The following LGR5 variants were observed in gnomAD, a reference collection of about 807,000 sequenced individuals.
LGR5 encodes leucine rich repeat containing G protein-coupled receptor 5, also known as leucine-rich repeat-containing G protein-coupled receptor 5.
Under a neutral mutation model 76.7 loss-of-function variants are expected in LGR5, and 54 were observed. That is an observed-to-expected ratio of 0.70 (90% CI 0.57 to 0.88). LGR5 has a LOEUF of 0.88. Ranked by LOEUF, LGR5 falls within the 40% of genes least tolerant of loss-of-function variation. The pLI is 0.00. For missense variants in LGR5, 1,078 were observed against 1,073.3 expected (o/e 1.00, Z -0.06); for synonymous variants, 406 against 421.9 (o/e 0.96, Z 0.46).
intron 2 of LGR5, among the ~76,000 whole-genome samples, chr12:71,521,595 A>G (rs534686890): frequency 6.6e-6 from 1 of 152,324 alleles, no homozygotes; most frequent in South Asian, 2.1e-4. Context: ...GAGTTTAGTC[A>G]CTTAATCAGG....
At chr12:71,529,293 G>A (rs375135446) in intron 3 of LGR5, among the ~76,000 whole-genome samples, 1 of 152,006 alleles carries the variant, frequency 6.6e-6, no homozygotes, top group African/African-American at 2.4e-5. Flanking sequence ...GGGAGGCCTC[G>A]GGAAACTTAC....
chr12:71,550,966 C>A (rs1240434467), intron 4 of LGR5, among the ~76,000 whole-genome samples: 1 of 152,206 alleles, frequency 6.6e-6, no homozygotes, highest in African/African-American at 2.4e-5. Flanking sequence ...TGAGCATAAG[C>A]CAGGCACATT....
At chr12:71,517,117 A>G (rs1370394351) in intron 2 of LGR5, among the ~76,000 whole-genome samples, 2 of 152,216 alleles carry the variant, frequency 1.3e-5, no homozygotes, top group Non-Finnish European at 2.9e-5. Flanking sequence ...TGTGTTTCTT[A>G]CTATTTGTGT....
At chr12:71,549,642 C>A (rs1877376749) in intron 4 of LGR5, among the ~76,000 whole-genome samples, 1 of 152,088 alleles carries the variant, frequency 6.6e-6, no homozygotes, top group African/African-American at 2.4e-5. Flanking sequence ...TGAGTGTGAA[C>A]AATATACCTG....
chr12:71,585,525 C>T lies in LGR5; in HGVS notation c.*791C>T, dbSNP rs1262197905. 1.3e-5 allele frequency: 2 copies of T among 152,178 alleles called. No homozygotes were observed. The highest frequency in any genetic ancestry group is 2.4e-5 in the African/African-American group (1 of 41,448). The allele number at this position is 152,178 out of a possible 1,614,324, so 9.4% of individuals were successfully genotyped here. A position where few individuals can be genotyped will look rare whatever the true frequency, so the allele number is the denominator to read the frequency against. ...GGTGCCCAAAGCTCAGAAGGGAATTCCACTGCCAGCAATGAACATACCTGG... is the reference window on the plus strand; with the variant it reads ...GGTGCCCAAAGCTCAGAAGGGAATTTCACTGCCAGCAATGAACATACCTGG... On this transcript the variant is annotated 3_prime_UTR_variant, in exon 18 of 18. Transcript: ENST00000266674.
intron 13 of LGR5, among the ~76,000 whole-genome samples, chr12:71,577,138 T>C (rs377170925): frequency 1.3e-5 from 2 of 152,358 alleles, no homozygotes; most frequent in African/African-American, 2.4e-5. Context: ...CTTTGTTTAC[T>C]TTCAGTTCTC....
chr12:71,552,676 C>CA (rs1007931757), intron 4 of LGR5, among the ~76,000 whole-genome samples: 2 of 151,866 alleles, frequency 1.3e-5, no homozygotes, highest in African/African-American at 4.8e-5. Flanking sequence ...ATGTTCAAAA[C>CA]AGTCAGGGAA....
At chr12:71,487,069 A>T (rs1263148240) in intron 1 of LGR5, among the ~76,000 whole-genome samples, 1 of 152,198 alleles carries the variant, frequency 6.6e-6, no homozygotes, top group African/African-American at 2.4e-5. Context: ...GTCACACAAG[A>T]TGAACAACCC....
chr12:71,572,849 G>A lies in LGR5; in HGVS notation c.1137-1G>A. Reference sequence around the variant, plus strand: ...CAATCTTTGGAACCCTGTCATTTCAGTGACCTAAGACATAATGAAATCTAC... The same window carrying A: ...CAATCTTTGGAACCCTGTCATTTCAATGACCTAAGACATAATGAAATCTAC... On this transcript the variant is annotated splice_acceptor_variant, in intron 12 of 17. Coordinates refer to ENST00000266674, the MANE Select transcript of LGR5 (RefSeq NM_003667.4). LOFTEE classifies it high-confidence loss of function. 6.2e-7 allele frequency: 1 copy of A among 1,611,764 alleles called. No individual in the cohort carries two copies.
At chr12:71,531,601 C>A (rs992443543) in intron 3 of LGR5, among the ~76,000 whole-genome samples, 1 of 152,122 alleles carries the variant, frequency 6.6e-6, no homozygotes, top group Non-Finnish European at 1.5e-5. Flanking sequence ...GGTGCGGTGG[C>A]TCATGCCTGT....
intron 1 of LGR5, among the ~76,000 whole-genome samples, chr12:71,470,673 G>A (rs1030973675): frequency 9.9e-5 from 15 of 152,258 alleles, no homozygotes; most frequent in Middle Eastern, 3.4e-3. Context: ...AAATCCAAAC[G>A]CAGCCTATAA....
intron 1 of LGR5, among the ~76,000 whole-genome samples, chr12:71,497,306 C>CTCCGT (rs1874373652): frequency 2.1e-5 from 3 of 146,194 alleles, no homozygotes; most frequent in Non-Finnish European, 4.5e-5. Context: ...CAGAGTGAAA[C>CTCCGT]CTTAGTTGAA....
intron 1 of LGR5, among the ~76,000 whole-genome samples, chr12:71,499,953 A>C (rs538293825): frequency 1.5e-3 from 226 of 152,240 alleles, no homozygotes; most frequent in Non-Finnish European, 2.4e-3. Flanking sequence ...AGTTTTCAGC[A>C]GTACAAGGGC....
Position 71,583,913 on chromosome 12 carries a change from G to T in LGR5, c.1903G>T (p.Val635Phe). Residue 635 changes from valine to phenylalanine, a missense_variant, in exon 18 of 18, where the codon GTT (valine) becomes TTT (phenylalanine). By Grantham distance (50) the Val-to-Phe change is conservative. Coordinates refer to ENST00000266674, the MANE Select transcript of LGR5 (RefSeq NM_003667.4). The stretch of plus-strand genomic sequence containing the variant: ...ACATGGTGCCTGGTGGGAGAATGGG[G>T]TTGGTTGCCATGTCATTGGTTTTTT... ...ARHGAWWENG[V>F]GCHVIGFLSI... 6.2e-7 allele frequency: 1 copy of T among 1,614,172 alleles called. No homozygotes were observed. The highest frequency in any genetic ancestry group is 8.5e-7 in the Non-Finnish European group (1 of 1,180,024).
chr12:71,584,021 A>G lies in LGR5; in HGVS notation c.2011A>G (p.Lys671Glu), dbSNP rs775048138. The G allele has an allele frequency of 3.7e-6, 6 of 1,614,176 alleles. No homozygotes were observed. The highest frequency in any genetic ancestry group is 5.1e-6 in the Non-Finnish European group (6 of 1,180,034). ...ERGFSVKYSA[K>E]FETKAPFSSL... ...TGGGTTCTCTGTGAAATATTCTGCA[A>G]AATTTGAAACGAAAGCTCCATTTTC... Residue 671 changes from lysine to glutamate, a missense_variant, in exon 18 of 18, where the codon AAA becomes GAA. Coordinates refer to ENST00000266674, the MANE Select transcript of LGR5 (RefSeq NM_003667.4).
chr12:71,440,886 C>CT lies in LGR5; in HGVS notation c.212+600dup, dbSNP rs199782447. 7.0e-3 allele frequency among the ~76,000 whole-genome samples: 1,056 copies of CT among 151,530 alleles called. 15 individuals carry two copies. The highest frequency in any genetic ancestry group is 0.024 in the African/African-American group (993 of 41,252). The stretch of plus-strand genomic sequence containing the variant: ...TCCCTCCTTTCTTTTTATTTTCTTT[C>CT]TTTTTTAACGGCGTGATTAAAATGT... On this transcript the variant is annotated intron_variant, in intron 1 of 17. Coordinates refer to ENST00000266674, the MANE Select transcript of LGR5 (RefSeq NM_003667.4). This position sits in a 1 kb window ranked among gnomAD's most constrained non-coding sequence, Gnocchi z 5.3.
intron 1 of LGR5, among the ~76,000 whole-genome samples, chr12:71,483,089 A>G (rs181678648): frequency 2.0e-5 from 3 of 152,164 alleles, no homozygotes; most frequent in Admixed American, 6.6e-5. Flanking sequence ...TGTTATAAGA[A>G]AAAAAAAGGA....
chr12:71,448,608 G>T (rs1872119551), intron 1 of LGR5: 1 of 152,040 alleles, frequency 6.6e-6, no homozygotes, highest in Non-Finnish European at 1.5e-5. Flanking sequence ...TAATCAATTG[G>T]TCTTTAAATC....
intron 1 of LGR5, among the ~76,000 whole-genome samples, chr12:71,481,248 C>T (rs558301664): frequency 6.6e-6 from 1 of 151,780 alleles, no homozygotes; most frequent in Non-Finnish European, 1.5e-5. Context: ...CCTCCCCTTA[C>T]CCCCAACCCC....
Sources: allele counts gnomAD v4.1 joint callset (sites outside exome capture counted in the v4.1 genomes callset), GRCh38; gene constraint gnomAD v4.1.1; non-coding constraint Gnocchi (gnomAD v3.1); transcripts MANE v1.5; gene names NCBI Gene and HGNC (gene_info 2026-07-23, HGNC 2026-07-21).